Variants in EEIG1 observed in about 807,000 individuals in gnomAD.
The protein encoded by EEIG1 is estrogen-induced osteoclastogenesis regulator 1.
chr9:127,967,783 C>G, the EEIG1 span, among the ~76,000 whole-genome samples: 1 of 152,028 alleles, frequency 6.6e-6, no homozygotes, highest in African/African-American at 2.4e-5. Flanking sequence ...GTCCCTGTCT[C>G]ACAGAGTTGC....
At chr9:127,963,930 G>A in the EEIG1 span, among the ~76,000 whole-genome samples, 1 of 152,310 alleles carries the variant, frequency 6.6e-6, no homozygotes, top group African/African-American at 2.4e-5. Flanking sequence ...AGAGCAGGCT[G>A]GGGGCAGGAG....
chr9:127,954,152 G>T, the EEIG1 span, among the ~76,000 whole-genome samples: 1 of 152,202 alleles, frequency 6.6e-6, no homozygotes, highest in South Asian at 2.1e-4. Flanking sequence ...CAAGGCAGGG[G>T]TGAGGTGAGC....
At chr9:127,975,849 C>T in the EEIG1 span, among the ~76,000 whole-genome samples, 5 of 152,138 alleles carry the variant, frequency 3.3e-5, no homozygotes, top group South Asian at 2.1e-4. Context: ...GGCAGCTCCC[C>T]GACTCACCAG....
At chr9:127,973,151 A>T in the EEIG1 span, among the ~76,000 whole-genome samples, 1 of 152,146 alleles carries the variant, frequency 6.6e-6, no homozygotes, top group Non-Finnish European at 1.5e-5. This position sits in a 1 kb window ranked among gnomAD's most constrained non-coding sequence, Gnocchi z 4.2. Flanking sequence ...TTAAGATATT[A>T]CTGCCTGTCC....
At chr9:127,957,180 G>C in the EEIG1 span, among the ~76,000 whole-genome samples, 1 of 151,990 alleles carries the variant, frequency 6.6e-6, no homozygotes, top group African/African-American at 2.4e-5. Context: ...AGTGAGCCAA[G>C]ATCAAACCAC....
chr9:127,947,743 T>C, the EEIG1 span, among the ~76,000 whole-genome samples: 1 of 152,140 alleles, frequency 6.6e-6, no homozygotes, highest in South Asian at 2.1e-4. Context: ...CTTCTGGGCC[T>C]GTCTTCCCCA....
chr9:127,959,414 C>A, the EEIG1 span, among the ~76,000 whole-genome samples: 1 of 152,186 alleles, frequency 6.6e-6, no homozygotes, highest in South Asian at 2.1e-4. Context: ...TTGATTATCT[C>A]ATTTATATGA....
the EEIG1 span, chr9:127,944,671 C>A: frequency 7.4e-6 from 12 of 1,612,872 alleles, no homozygotes; most frequent in Non-Finnish European, 1.0e-5. Flanking sequence ...TCACGAACAG[C>A]CGGAGGTTGC....
At chr9:127,944,334 A>G in the EEIG1 span, 2 of 561,352 alleles carry the variant, frequency 3.6e-6, no homozygotes, top group Non-Finnish European at 3.2e-6. Context: ...GGCCCCTGCC[A>G]TGTGCTGAGC....
chr9:127,945,341 A>G, the EEIG1 span: 62 of 1,543,816 alleles, frequency 4.0e-5, 1 homozygote, highest in Non-Finnish European at 5.4e-5. This position sits in a 1 kb window ranked among gnomAD's most constrained non-coding sequence, Gnocchi z 6.5. Flanking sequence ...TCTGTTCTCC[A>G]GGGGGCACCA....
the EEIG1 span, chr9:127,950,309 C>T: frequency 9.6e-7 from 1 of 1,043,904 alleles, no homozygotes; most frequent in Non-Finnish European, 1.4e-6. Flanking sequence ...CGATGTCTAC[C>T]TATTCAGGTA....
chr9:127,943,513 C>T, the EEIG1 span: 1 of 492,628 alleles, frequency 2.0e-6, no homozygotes, highest in Admixed American at 3.4e-5. Context: ...TCACTGCATC[C>T]TGCCCCACTT....
chr9:127,945,461 C>T, the EEIG1 span: 10 of 1,563,332 alleles, frequency 6.4e-6, no homozygotes, highest in African/African-American at 5.4e-5. This position sits in a 1 kb window ranked among gnomAD's most constrained non-coding sequence, Gnocchi z 6.5. Context: ...GGGCCCTCCA[C>T]GGTCATGCCA....
At chr9:127,962,317 G>A in the EEIG1 span, among the ~76,000 whole-genome samples, 1 of 152,272 alleles carries the variant, frequency 6.6e-6, no homozygotes, top group African/African-American at 2.4e-5. Context: ...GGGAAGAAAA[G>A]AAAGGATGAA....
the EEIG1 span, chr9:127,945,692 G>A: frequency 1.3e-6 from 2 of 1,593,080 alleles, no homozygotes; most frequent in Non-Finnish European, 1.7e-6. This position sits in a 1 kb window ranked among gnomAD's most constrained non-coding sequence, Gnocchi z 6.5. Context: ...AGTTGCGGGA[G>A]TGGCCAGAGT....
chr9:127,943,349 G>T, the EEIG1 span: 1 of 1,038,670 alleles, frequency 9.6e-7, no homozygotes, highest in South Asian at 1.3e-5. Context: ...AACCAGCCCT[G>T]TGTTGCAAAG....
the EEIG1 span, among the ~76,000 whole-genome samples, chr9:127,945,070 T>C: frequency 1.3e-5 from 2 of 152,266 alleles, no homozygotes; most frequent in South Asian, 4.1e-4. The surrounding 1 kb of genome is among the most constrained non-coding windows in gnomAD (Gnocchi z 6.5). Context: ...GCTGCCATCA[T>C]GAGCCGATTT....
the EEIG1 span, among the ~76,000 whole-genome samples, chr9:127,959,089 T>G: frequency 1.3e-5 from 2 of 152,194 alleles, no homozygotes; most frequent in Non-Finnish European, 2.9e-5. Context: ...TGGAAAACAG[T>G]ATGGCAATTC....
At chr9:127,965,106 C>CAAAAAAAAAAA in the EEIG1 span, among the ~76,000 whole-genome samples, 4 of 69,724 alleles carry the variant, frequency 5.7e-5, no homozygotes, top group African/African-American at 5.6e-5. Flanking sequence ...AAGACTGTCT[C>CAAAAAAAAAAA]AAAAAAAAAA....
Sources: gnomAD v4.1 joint callset for allele counts (sites outside exome capture counted in the v4.1 genomes callset) on GRCh38, gnomAD v4.1.1 for gene constraint, Gnocchi (gnomAD v3.1) non-coding constraint, MANE v1.5 for transcripts, NCBI Gene and HGNC (gene_info 2026-07-23, HGNC 2026-07-21) for gene names.